GPHN: variants seen among roughly 807,000 people sequenced by gnomAD.
The protein encoded by GPHN is gephyrin.
In GPHN, 17 loss-of-function variants were observed where a neutral mutation model predicts 95.5. That is an observed-to-expected ratio of 0.18 (90% CI 0.12 to 0.27). The LOEUF is 0.27. Ranked by LOEUF, GPHN falls within the 10% of genes least tolerant of loss-of-function variation. GPHN has a pLI of 1.00. For missense variants in GPHN, 660 were observed against 978.1 expected, an observed-to-expected ratio of 0.67 and a Z score of 4.34; for synonymous variants, 320 against 322.5, an observed-to-expected ratio of 0.99 and a Z score of 0.08.
chr14:67,301,044 A>C, the GPHN span, among the ~76,000 whole-genome samples: 2 of 152,106 alleles, frequency 1.3e-5, no homozygotes, highest in East Asian at 3.9e-4. Context: ...CACATAAATG[A>C]TTTAAAAACT....
the GPHN span, among the ~76,000 whole-genome samples, chr14:67,599,081 A>G: frequency 6.9e-4 from 105 of 152,308 alleles, no homozygotes; most frequent in Middle Eastern, 3.4e-3. Context: ...GCATATTTCT[A>G]TGCTAAATTA....
the GPHN span, chr14:67,729,307 C>T: frequency 6.2e-7 from 1 of 1,601,304 alleles, no homozygotes; most frequent in South Asian, 1.1e-5. Flanking sequence ...CAAGACGGCA[C>T]GGGAGGGGGC....
At chr14:66,686,703 C>CA (rs2067384312) in intron 2 of GPHN, among the ~76,000 whole-genome samples, 1 of 152,152 alleles carries the variant, frequency 6.6e-6, no homozygotes, top group South Asian at 2.1e-4. Flanking sequence ...CAAACAGGGA[C>CA]AATTTGAGTT....
chr14:66,811,042 AT>A (rs1196572063), intron 3 of GPHN, among the ~76,000 whole-genome samples: 8 of 152,368 alleles, frequency 5.3e-5, no homozygotes, highest in Middle Eastern at 3.4e-3. Context: ...AGTGAACTAC[AT>A]TTATTAATAC....
At chr14:67,276,556 G>C in the GPHN span, among the ~76,000 whole-genome samples, 1 of 152,150 alleles carries the variant, frequency 6.6e-6, no homozygotes, top group Non-Finnish European at 1.5e-5. Flanking sequence ...CTTATGATAT[G>C]TATTAGGCTA....
At chr14:67,656,404 GC>G in the GPHN span, 5 of 1,589,948 alleles carry the variant, frequency 3.1e-6, no homozygotes, top group African/African-American at 5.4e-5. Flanking sequence ...TTCCCTGTCT[GC>G]CCAGACTTAC....
chr14:67,721,279 C>T, the GPHN span, among the ~76,000 whole-genome samples: 1 of 152,126 alleles, frequency 6.6e-6, no homozygotes, highest in Admixed American at 6.5e-5. Flanking sequence ...CAATGAATCC[C>T]ACTTACCCTT....
At chr14:67,621,252 AC>A in the GPHN span, among the ~76,000 whole-genome samples, 60 of 152,226 alleles carry the variant, frequency 3.9e-4, no homozygotes, top group Non-Finnish European at 7.6e-4. Flanking sequence ...CTTCAACTGC[AC>A]AGTCAACCTT....
chr14:66,845,688 T>A (rs1017479495), intron 4 of GPHN, among the ~76,000 whole-genome samples: 1 of 152,112 alleles, frequency 6.6e-6, no homozygotes. Context: ...AATCCAGAGA[T>A]CCTTCATCCT....
chr14:67,583,626 C>G, the GPHN span: 1 of 715,536 alleles, frequency 1.4e-6, no homozygotes, highest in South Asian at 2.4e-5. Flanking sequence ...TTCACAACCA[C>G]TCGCACCCCA....
At chr14:67,456,550 T>C in the GPHN span, among the ~76,000 whole-genome samples, 18 of 148,310 alleles carry the variant, frequency 1.2e-4, no homozygotes, top group East Asian at 3.4e-3. Flanking sequence ...TGCAGTAAGC[T>C]GAGATCACGC....
chr14:67,680,931 T>C, the GPHN span, among the ~76,000 whole-genome samples: 1 of 152,226 alleles, frequency 6.6e-6, no homozygotes, highest in Non-Finnish European at 1.5e-5. Context: ...GACATACAAA[T>C]GAACGGAACA....
At chr14:67,411,983 C>T in the GPHN span, 3 of 1,522,700 alleles carry the variant, frequency 2.0e-6, no homozygotes, top group South Asian at 3.6e-5. Flanking sequence ...CGGGGCCCCA[C>T]CCGGGCAATG....
At chr14:66,862,588 C>A (rs1352887863) in intron 4 of GPHN, among the ~76,000 whole-genome samples, 1 of 151,932 alleles carries the variant, frequency 6.6e-6, no homozygotes, top group Admixed American at 6.6e-5. Flanking sequence ...ATACAAAAAT[C>A]CTCAACAAAA....
At chr14:66,556,523 C>G (rs2060013211) in intron 1 of GPHN, among the ~76,000 whole-genome samples, 1 of 152,092 alleles carries the variant, frequency 6.6e-6, no homozygotes, top group Non-Finnish European at 1.5e-5. Flanking sequence ...ATAGAAACAA[C>G]TAGGAATATC....
intron 1 of GPHN, among the ~76,000 whole-genome samples, chr14:66,528,078 C>G (rs1287349328): frequency 6.6e-6 from 1 of 152,020 alleles, no homozygotes; most frequent in Non-Finnish European, 1.5e-5. Context: ...TTAAAGTCTC[C>G]CACTATTATT....
At chr14:67,205,626 A>C in the GPHN span, among the ~76,000 whole-genome samples, 3 of 152,222 alleles carry the variant, frequency 2.0e-5, no homozygotes, top group Non-Finnish European at 4.4e-5. Flanking sequence ...ACAGAGAGTC[A>C]CGTCCAAAAA....
At chr14:67,679,787 G>T in the GPHN span, among the ~76,000 whole-genome samples, 14 of 152,154 alleles carry the variant, frequency 9.2e-5, no homozygotes, top group Middle Eastern at 3.4e-3. Flanking sequence ...GTATTCTCTG[G>T]ATCTGGTATA....
chr14:66,916,217 T>C (rs756263044), intron 6 of GPHN, 148 bp downstream of exon 6: 3 of 688,282 alleles, frequency 4.4e-6, no homozygotes, highest in Non-Finnish European at 8.0e-6. Context: ...TTGGGTTCAG[T>C]AATTCAATGG....
Sources: gnomAD v4.1 joint callset for allele counts (sites outside exome capture counted in the v4.1 genomes callset) on GRCh38, gnomAD v4.1.1 for gene constraint, MANE v1.5 for transcripts, NCBI Gene and HGNC (gene_info 2026-07-23, HGNC 2026-07-21) for gene names.